Variants in PTER observed in about 807,000 individuals in gnomAD.
The protein encoded by PTER is N-acetyltaurine hydrolase.
A neutral mutation model predicts 29.6 loss-of-function variants in PTER; 38 were observed. The observed-to-expected ratio is 1.28, with a 90% CI of 0.99 to 1.68. The LOEUF (loss-of-function observed/expected upper bound fraction) is 1.68, where lower values mean the gene tolerates loss of function less well. Among genes scored for constraint, PTER ranks in the 40% most tolerant of loss-of-function variants. The pLI is 0.00. For missense variants in PTER, 482 were observed against 427.8 expected (o/e 1.13, Z -1.12); for synonymous variants, 172 against 154.5 (o/e 1.11, Z -0.84).
intron 1 of PTER, among the ~76,000 whole-genome samples, chr10:16,479,890 C>G (rs1265720148): frequency 1.3e-5 from 2 of 151,694 alleles, no homozygotes; most frequent in Non-Finnish European, 2.9e-5. Flanking sequence ...TGCAAAAAAC[C>G]CTGAGATGCC....
intron 1 of PTER, among the ~76,000 whole-genome samples, chr10:16,463,197 C>CA (rs1339307931): frequency 3.2e-5 from 3 of 93,800 alleles, no homozygotes; most frequent in Non-Finnish European, 6.1e-5. Flanking sequence ...GAGACTCTGT[C>CA]TAAAAAAAAA....
At chr10:16,517,411 C>A (rs913543119), downstream of PTER, among the ~76,000 whole-genome samples, 1 of 152,100 alleles carries the variant, frequency 6.6e-6, no homozygotes, top group Non-Finnish European at 1.5e-5. Flanking sequence ...ACCAACTGGT[C>A]TTTAATTATT....
intron 4 of PTER, among the ~76,000 whole-genome samples, chr10:16,506,426 C>T (rs1394336857): frequency 6.6e-6 from 1 of 152,108 alleles, no homozygotes; most frequent in Non-Finnish European, 1.5e-5. Context: ...GGAAGTGGTG[C>T]CCATTCCACA....
chr10:16,517,590 G>T (rs45558034), downstream of PTER, among the ~76,000 whole-genome samples: 1 of 151,998 alleles, frequency 6.6e-6, no homozygotes, highest in Non-Finnish European at 1.5e-5. Flanking sequence ...TATTTGAGTT[G>T]AACTTTTACC....
At chr10:16,515,091 A>G (rs2133536468), downstream of PTER, among the ~76,000 whole-genome samples, 2 of 152,254 alleles carry the variant, frequency 1.3e-5, 1 homozygote, top group South Asian at 4.1e-4. Flanking sequence ...CCAGATAGCA[A>G]TATTCTAATC....
chr10:16,504,596 T>C (rs572721804), intron 3 of PTER, among the ~76,000 whole-genome samples: 1 of 152,330 alleles, frequency 6.6e-6, no homozygotes, highest in South Asian at 2.1e-4. Flanking sequence ...ATTACTCACC[T>C]AATTCACCAG....
At chr10:16,449,310 A>G (rs1393787219) in intron 1 of PTER, among the ~76,000 whole-genome samples, 1 of 152,052 alleles carries the variant, frequency 6.6e-6, no homozygotes, top group Non-Finnish European at 1.5e-5. Flanking sequence ...TACTAGGGAA[A>G]TTACCACATG....
chr10:16,488,945 C>G (rs2133460115), intron 3 of PTER, among the ~76,000 whole-genome samples: 1 of 152,224 alleles, frequency 6.6e-6, no homozygotes, highest in South Asian at 2.1e-4. Context: ...CCTTGGGATT[C>G]CTGAATGTAA....
At chr10:16,496,723 A>G (rs1425919668) in intron 3 of PTER, among the ~76,000 whole-genome samples, 1 of 152,066 alleles carries the variant, frequency 6.6e-6, no homozygotes, top group Non-Finnish European at 1.5e-5. Flanking sequence ...TTCTTCCAAG[A>G]TGGGACTGGT....
At chr10:16,499,428 T>TTTCA (rs1554793087) in intron 3 of PTER, among the ~76,000 whole-genome samples, 4 of 151,366 alleles carry the variant, frequency 2.6e-5, no homozygotes, top group African/African-American at 9.7e-5. Flanking sequence ...AATTTAATTA[T>TTTCA]TTTATTTATT....
chr10:16,508,714 A>T (rs1244595498), intron 4 of PTER, among the ~76,000 whole-genome samples: 6 of 152,184 alleles, frequency 3.9e-5, no homozygotes, highest in African/African-American at 1.4e-4. Context: ...CCTGTGTGCT[A>T]TTCCATACGT....
chr10:16,505,671 A>G (rs1836532932), intron 4 of PTER, among the ~76,000 whole-genome samples: 1 of 152,238 alleles, frequency 6.6e-6, no homozygotes, highest in South Asian at 2.1e-4. Flanking sequence ...ATAATGTGTG[A>G]TGCTGGCAGA....
intron 1 of PTER, among the ~76,000 whole-genome samples, chr10:16,450,152 C>T (rs756381162): frequency 6.6e-6 from 1 of 152,176 alleles, no homozygotes; most frequent in African/African-American, 2.4e-5. Flanking sequence ...GAATGTAGCG[C>T]ACCCCCTCAT....
chr10:16,471,924 T>C (rs1356895520), intron 1 of PTER, among the ~76,000 whole-genome samples: 1 of 152,246 alleles, frequency 6.6e-6, no homozygotes, highest in Non-Finnish European at 1.5e-5. Context: ...TACTTACTGC[T>C]AAATTACTTT....
chr10:16,454,808 T>C, intron 1 of PTER, among the ~76,000 whole-genome samples: 1 of 151,974 alleles, frequency 6.6e-6, no homozygotes, highest in Admixed American at 6.6e-5. Context: ...CAATAAATAC[T>C]AATATATAAT....
chr10:16,439,251 G>A (rs1833765374), intron 1 of PTER, among the ~76,000 whole-genome samples: 1 of 152,130 alleles, frequency 6.6e-6, no homozygotes, highest in Admixed American at 6.6e-5. Context: ...GGCTTTTCTG[G>A]AGGGACTTAG....
At chr10:16,488,331 G>A (rs2133458797) in intron 3 of PTER, among the ~76,000 whole-genome samples, 1 of 152,202 alleles carries the variant, frequency 6.6e-6, no homozygotes, top group East Asian at 1.9e-4. Flanking sequence ...TTAAAACAAT[G>A]TATTTTATAA....
At chr10:16,447,101 C>CTTT (rs71374690) in intron 1 of PTER, among the ~76,000 whole-genome samples, 30 of 124,608 alleles carry the variant, frequency 2.4e-4, no homozygotes, top group East Asian at 9.7e-4. Flanking sequence ...TTTTTCTTTT[C>CTTT]TTTTTTTTTT....
At chr10:16,457,595 A>C (rs1834457178) in intron 1 of PTER, among the ~76,000 whole-genome samples, 1 of 150,000 alleles carries the variant, frequency 6.7e-6, no homozygotes, top group East Asian at 2.0e-4. Context: ...AGTTACTTCA[A>C]AGTACTTTGT....
Sources: gnomAD v4.1 joint callset for allele counts (sites outside exome capture counted in the v4.1 genomes callset) on GRCh38, gnomAD v4.1.1 for gene constraint, MANE v1.5 for transcripts, NCBI Gene and HGNC (gene_info 2026-07-23, HGNC 2026-07-21) for gene names.